Variants in GOLGA4 observed in about 807,000 individuals in gnomAD.
GOLGA4 encodes golgin A4.
GOLGA4 carries 169 observed loss-of-function variants against 265.9 expected under a neutral mutation model. That is an observed-to-expected ratio of 0.64 (90% CI 0.56 to 0.72). GOLGA4 has a LOEUF of 0.72. Ranked by LOEUF, GOLGA4 falls within the 30% of genes least tolerant of loss-of-function variation. The probability of loss-of-function intolerance (pLI) is 0.00; values close to 1 mark genes in which losing one functional copy is unlikely to be tolerated. For missense variants in GOLGA4, 2,482 were observed against 2,483.4 expected (o/e 1.00, Z 0.01); for synonymous variants, 923 against 855.8 (o/e 1.08, Z -1.37).
chr3:37,275,605 CG>C, intron 2 of GOLGA4: 2 of 1,472,722 alleles, frequency 1.4e-6, no homozygotes, highest in Non-Finnish European at 1.9e-6. Flanking sequence ...TGCTGCGCGC[CG>C]GGGGTCGCTC....
chr3:37,337,873 AC>A, intron 19 of GOLGA4, 139 bp downstream of exon 19: 1 of 596,992 alleles, frequency 1.7e-6, no homozygotes, highest in Non-Finnish European at 3.0e-6. Flanking sequence ...ATCCAAAGGT[AC>A]TAGAGGTTTT....
chr3:37,269,986 C>T (rs6791305), intron 2 of GOLGA4, among the ~76,000 whole-genome samples: 44,742 of 148,514 alleles, frequency 0.3, 7,599 homozygotes, highest in Non-Finnish European at 0.39. Context: ...CTCTGCCTCC[C>T]AGGTACCAGT....
At chr3:37,271,081 T>C in intron 2 of GOLGA4, among the ~76,000 whole-genome samples, 1 of 152,110 alleles carries the variant, frequency 6.6e-6, no homozygotes, top group Non-Finnish European at 1.5e-5. Context: ...ATGTCACCAC[T>C]GATCTGACAG....
At chr3:37,337,213 A>G (rs762600801) in intron 18 of GOLGA4, 50 bp downstream of exon 18, 1 of 987,584 alleles carries the variant, frequency 1.0e-6, no homozygotes, top group South Asian at 1.5e-5. Flanking sequence ...TTTGAGACAG[A>G]TTCTCACTCT....
At chr3:37,313,046 T>C (rs1299083772) in intron 10 of GOLGA4, among the ~76,000 whole-genome samples, 2 of 152,050 alleles carry the variant, frequency 1.3e-5, no homozygotes, top group African/African-American at 4.8e-5. Flanking sequence ...CTACTAAAAA[T>C]ACAGAAATTA....
chr3:37,251,240 G>T (rs1180867782), intron 1 of GOLGA4, among the ~76,000 whole-genome samples, 155 bp from the exon 2 acceptor site: 1 of 152,106 alleles, frequency 6.6e-6, no homozygotes, highest in African/African-American at 2.4e-5. Flanking sequence ...TTTTCTAGTT[G>T]ATTATATTTG....
At chr3:37,255,762 TTG>T in intron 2 of GOLGA4, among the ~76,000 whole-genome samples, 1 of 151,544 alleles carries the variant, frequency 6.6e-6, no homozygotes, top group Non-Finnish European at 1.5e-5. Flanking sequence ...TTTTTTTTTT[TTG>T]TTTTTTGAGA....
intron 21 of GOLGA4, among the ~76,000 whole-genome samples, chr3:37,350,236 A>G (rs1418178476): frequency 2.6e-5 from 4 of 152,288 alleles, no homozygotes; most frequent in Admixed American, 2.0e-4. Context: ...GGGCTTCTCC[A>G]TTAAAGTGTT....
chr3:37,356,083 T>G (rs1233782316), intron 22 of GOLGA4, among the ~76,000 whole-genome samples: 2 of 152,136 alleles, frequency 1.3e-5, no homozygotes, highest in East Asian at 3.8e-4. Flanking sequence ...CCTAACAGAT[T>G]GTTTTCTTAC....
chr3:37,362,385 C>T (rs1358695668), intron 23 of GOLGA4, among the ~76,000 whole-genome samples: 11 of 150,424 alleles, frequency 7.3e-5, no homozygotes, highest in Non-Finnish European at 1.3e-4. Flanking sequence ...TACAGGCGCC[C>T]GCCACTACGC....
At position 37,299,263 on chromosome 3, in the gene GOLGA4, A is replaced by C. The variant is rs757278310; in HGVS notation, c.1003-25A>C. 6.3e-6 allele frequency: 9 copies of C among 1,437,576 alleles called. No homozygotes were observed. In the Admixed American group the frequency reaches 1.5e-4, roughly 25 times the overall value. 89.1% of individuals were successfully genotyped at this position (1,437,576 alleles called of 1,614,324 possible). ...TGAGAAGAAGCTTTATTAGAGATGG[A>C]AATGAATTTAAAAATTTTTTTTAGG... On this transcript the variant is annotated intron_variant, in intron 8 of 23. Coordinates refer to ENST00000361924, the MANE Select transcript of GOLGA4 (RefSeq NM_002078.5).
At chr3:37,290,380 T>C (rs1402781514) in intron 5 of GOLGA4, among the ~76,000 whole-genome samples, 1 of 152,236 alleles carries the variant, frequency 6.6e-6, no homozygotes, top group African/African-American at 2.4e-5. Context: ...GTTTTATTCT[T>C]ATTGCTATCA....
At chr3:37,335,550 T>C (rs1354275179) in intron 17 of GOLGA4, among the ~76,000 whole-genome samples, 2 of 152,240 alleles carry the variant, frequency 1.3e-5, no homozygotes, top group Non-Finnish European at 2.9e-5. Flanking sequence ...ATTTTTGTGC[T>C]AAAAATTCAC....
At chr3:37,353,268 C>G (rs2097080385) in intron 21 of GOLGA4, among the ~76,000 whole-genome samples, 1 of 151,998 alleles carries the variant, frequency 6.6e-6, no homozygotes, top group African/African-American at 2.4e-5. Context: ...ATAAAGTGAT[C>G]ACATGTTAGA....
chr3:37,315,613 G>C lies in GOLGA4; in HGVS notation c.1413+15G>C. 1 of 1,592,002 alleles carries C rather than the reference G, an allele frequency of 6.3e-7. No homozygotes were observed. On this transcript the variant is annotated intron_variant, in intron 11 of 23. Coordinates refer to ENST00000361924, the MANE Select transcript of GOLGA4 (RefSeq NM_002078.5). The stretch of plus-strand genomic sequence containing the variant: ...ATGTAATGAAAGTAAGAATAATTCT[G>C]TAATGAAATGGGCTACAACAAATTT...
At chr3:37,332,341 C>T (rs932947499) in intron 16 of GOLGA4, among the ~76,000 whole-genome samples, 12 of 152,068 alleles carry the variant, frequency 7.9e-5, no homozygotes, top group South Asian at 2.1e-4. Flanking sequence ...ATCGGGGCAG[C>T]GGGGGTGGTG....
intron 10 of GOLGA4, among the ~76,000 whole-genome samples, chr3:37,307,884 A>T (rs947596011): frequency 5.3e-5 from 8 of 152,200 alleles, no homozygotes; most frequent in African/African-American, 1.9e-4. Context: ...ATATTTTTCA[A>T]CATTAGCCTG....
At chr3:37,361,974 T>A (rs1419624923) in intron 23 of GOLGA4, among the ~76,000 whole-genome samples, 1 of 152,216 alleles carries the variant, frequency 6.6e-6, no homozygotes, top group African/African-American at 2.4e-5. Flanking sequence ...CCCTCATCTC[T>A]ATGTATTTTT....
intron 5 of GOLGA4, among the ~76,000 whole-genome samples, chr3:37,292,920 T>C (rs2096868674): frequency 6.6e-6 from 1 of 152,180 alleles, no homozygotes; most frequent in South Asian, 2.1e-4. Context: ...GTAAAAAATA[T>C]GCTCAGAGAT....
Sources: allele counts gnomAD v4.1 joint callset (sites outside exome capture counted in the v4.1 genomes callset), GRCh38; gene constraint gnomAD v4.1.1; transcripts MANE v1.5; gene names NCBI Gene and HGNC (gene_info 2026-07-23, HGNC 2026-07-21).